UBASH3B: variants seen among roughly 807,000 people sequenced by gnomAD.
The protein encoded by UBASH3B is ubiquitin associated and SH3 domain containing B.
A neutral mutation model predicts 83.4 loss-of-function variants in UBASH3B; 37 were observed. The observed-to-expected ratio is 0.44, with a 90% confidence interval of 0.34 to 0.58. The LOEUF is 0.58. Among genes scored for constraint, UBASH3B ranks in the 20% least tolerant of loss-of-function variants. The pLI is 0.01. For synonymous variants in UBASH3B, 304 were observed against 318.3 expected (o/e 0.96, Z 0.48); for missense variants, 657 against 827.2 (o/e 0.79, Z 2.52).
chr11:122,717,315 C>A (rs1860542048), intron 1 of UBASH3B, among the ~76,000 whole-genome samples: 1 of 152,212 alleles, frequency 6.6e-6, no homozygotes, highest in African/African-American at 2.4e-5. Flanking sequence ...AGCGGAAGGG[C>A]CAGGTTCCCT....
At chr11:122,725,337 A>AG (rs1860716092) in intron 1 of UBASH3B, among the ~76,000 whole-genome samples, 1 of 141,552 alleles carries the variant, frequency 7.1e-6, no homozygotes, top group Non-Finnish European at 1.6e-5. Flanking sequence ...ACAAAAAAAA[A>AG]AAAAAAAGAA....
At chr11:122,808,654 C>T (rs1861383196) in intron 13 of UBASH3B, among the ~76,000 whole-genome samples, 1 of 152,248 alleles carries the variant, frequency 6.6e-6, no homozygotes, top group East Asian at 1.9e-4. Context: ...CTGACCCACA[C>T]ATCTGGAGTC....
intron 1 of UBASH3B, among the ~76,000 whole-genome samples, chr11:122,668,340 T>C (rs2135897242): frequency 6.6e-6 from 1 of 152,302 alleles, no homozygotes; most frequent in Non-Finnish European, 1.5e-5. Flanking sequence ...AATGGGAGGA[T>C]CTGTTCTCTG....
chr11:122,794,931 G>T, intron 7 of UBASH3B, 97 bp downstream of exon 7: 3 of 1,528,188 alleles, frequency 2.0e-6, no homozygotes, highest in Non-Finnish European at 1.8e-6. Context: ...TGTCTCCAAA[G>T]CTTCCACGAT....
intron 1 of UBASH3B, among the ~76,000 whole-genome samples, chr11:122,682,869 C>T (rs1863759674): frequency 2.0e-5 from 3 of 152,174 alleles, no homozygotes; most frequent in Admixed American, 2.0e-4. Context: ...AATAGTATAA[C>T]AAAACAAATG....
intron 1 of UBASH3B, among the ~76,000 whole-genome samples, chr11:122,757,990 G>A (rs1379441553): frequency 6.6e-6 from 1 of 152,084 alleles, no homozygotes; most frequent in Non-Finnish European, 1.5e-5. Context: ...ACAGGCGTGA[G>A]CCACCGCACC....
Position 122,771,994 on chromosome 11 carries a change from G to A in UBASH3B, c.162-4225G>A, listed in dbSNP as rs114547463. Among the ~76,000 whole-genome samples the A allele has an allele frequency of 5.3e-3, 805 of 152,218 alleles. 8 individuals carry two copies. Among genetic ancestry groups the A allele is most frequent in the African/African-American group, 0.018 (749 of 41,548 alleles). On this transcript the variant is annotated intron_variant, in intron 1 of 13. Coordinates refer to ENST00000284273, the MANE Select transcript of UBASH3B (RefSeq NM_032873.5). Reference sequence around the variant, plus strand: ...TAAAACTGCAGCTTCACCAAGATAGGACCTCAAGAATGCAGCCCAGTCTGA... The same window carrying A: ...TAAAACTGCAGCTTCACCAAGATAGAACCTCAAGAATGCAGCCCAGTCTGA...
chr11:122,797,539 A>G (rs1394095577), intron 9 of UBASH3B, among the ~76,000 whole-genome samples: 4 of 152,246 alleles, frequency 2.6e-5, no homozygotes, highest in African/African-American at 9.6e-5. Context: ...GTATTGGACT[A>G]GGGGAACCCA....
chr11:122,683,051 G>A (rs979541023), intron 1 of UBASH3B, among the ~76,000 whole-genome samples: 4 of 151,288 alleles, frequency 2.6e-5, no homozygotes, highest in East Asian at 2.0e-4. Context: ...TTGGTCTTGC[G>A]GCCAGCCTGG....
At chr11:122,738,881 C>G (rs1860978756) in intron 1 of UBASH3B, among the ~76,000 whole-genome samples, 1 of 90,432 alleles carries the variant, frequency 1.1e-5, no homozygotes, top group South Asian at 4.2e-4. Context: ...GAGTGAAACT[C>G]TGTCTCAAAA....
chr11:122,806,964 C>A lies in UBASH3B; in HGVS notation c.1702+448C>A, dbSNP rs1861352149. On this transcript the variant is annotated intron_variant, in intron 12 of 13. Transcript: ENST00000284273. This position sits in a 1 kb window ranked among gnomAD's most constrained non-coding sequence, Gnocchi z 4.0. ...TGTTTGCTATTGAATTTTCTAAACA[C>A]TGAGCTCAAATATTTAATATGTAAG... Among the ~76,000 whole-genome samples the A allele has an allele frequency of 1.3e-5, 2 of 152,170 alleles. No homozygotes were observed. Among genetic ancestry groups the A allele is most frequent in the South Asian group, 4.1e-4 (2 of 4,826 alleles).
At chr11:122,702,469 C>CTCCAAG (rs1864053260) in intron 1 of UBASH3B, among the ~76,000 whole-genome samples, 1 of 151,302 alleles carries the variant, frequency 6.6e-6, no homozygotes, top group Non-Finnish European at 1.5e-5. Context: ...TTGCAAGAAA[C>CTCCAAG]GTGTTTGGAG....
intron 11 of UBASH3B, among the ~76,000 whole-genome samples, chr11:122,802,815 T>C (rs1861280815): frequency 6.6e-6 from 1 of 152,168 alleles, no homozygotes. Flanking sequence ...CAATAAATTG[T>C]TGTCCCCCAT....
At chr11:122,683,385 C>T (rs368641452) in intron 1 of UBASH3B, among the ~76,000 whole-genome samples, 7 of 152,042 alleles carry the variant, frequency 4.6e-5, no homozygotes, top group Admixed American at 6.6e-5. Flanking sequence ...GAGGCCAAGG[C>T]GGGCAGATCG....
At chr11:122,729,534 T>G (rs1860802182) in intron 1 of UBASH3B, among the ~76,000 whole-genome samples, 1 of 152,102 alleles carries the variant, frequency 6.6e-6, no homozygotes, top group African/African-American at 2.4e-5. Context: ...TAAAGGCAAG[T>G]GATTATGTTA....
intron 1 of UBASH3B, among the ~76,000 whole-genome samples, chr11:122,661,597 CTG>C (rs1468703731): frequency 1.3e-5 from 2 of 152,218 alleles, no homozygotes; most frequent in East Asian, 3.8e-4. Flanking sequence ...CCTGCTGTGA[CTG>C]TGCACCCACA....
intron 1 of UBASH3B, among the ~76,000 whole-genome samples, chr11:122,710,373 C>T (rs1367107658): frequency 2.6e-5 from 4 of 152,088 alleles, no homozygotes; most frequent in African/African-American, 9.7e-5. Flanking sequence ...CATTGTTGTG[C>T]ACGCTTATTA....
intron 4 of UBASH3B, among the ~76,000 whole-genome samples, chr11:122,781,392 T>A (rs1269362168): frequency 1.3e-5 from 2 of 152,190 alleles, no homozygotes; most frequent in African/African-American, 4.8e-5. Flanking sequence ...CCAAAACTAA[T>A]GTCAAAGCCG....
At chr11:122,728,965 G>A (rs73018235) in intron 1 of UBASH3B, among the ~76,000 whole-genome samples, 12,748 of 151,836 alleles carry the variant, frequency 0.084, 721 homozygotes, top group Non-Finnish European at 0.13. Flanking sequence ...CGGTCAGACG[G>A]GGACAGAGAG....
Sources: gnomAD v4.1 joint callset for allele counts (sites outside exome capture counted in the v4.1 genomes callset) on GRCh38, gnomAD v4.1.1 for gene constraint, Gnocchi (gnomAD v3.1) non-coding constraint, MANE v1.5 for transcripts, NCBI Gene and HGNC (gene_info 2026-07-23, HGNC 2026-07-21) for gene names.